The following PHEX variants were observed in gnomAD, a reference collection of about 807,000 sequenced individuals.
PHEX encodes the protein phosphate-regulating neutral endopeptidase PHEX.
PHEX carries 16 observed loss-of-function variants against 68.0 expected under a neutral mutation model. The observed-to-expected ratio is 0.24, with a 90% CI of 0.16 to 0.36. PHEX has a LOEUF of 0.36. Ranked by LOEUF, PHEX falls within the 10% of genes least tolerant of loss-of-function variation. The probability of loss-of-function intolerance (pLI) is 1.00; values close to 1 mark genes in which losing one functional copy is unlikely to be tolerated. For missense variants in PHEX, 480 were observed against 575.5 expected (o/e 0.83, Z 1.70); for synonymous variants, 208 against 205.1 (o/e 1.01, Z -0.12).
chrX:22,143,512 A>G (rs1313518018), intron 12 of PHEX, among the ~76,000 whole-genome samples: 2 of 110,022 alleles, frequency 1.8e-5, no homozygotes, highest in African/African-American at 3.5e-5. Context: ...TCCAGTTCCA[A>G]AACATTTTTG....
Position 22,248,148 on chromosome X carries a change from T to A in PHEX, c.*195T>A. 1 of 431,930 alleles carries A rather than the reference T, an allele frequency of 2.3e-6. No individual in the cohort carries two copies. The highest frequency in any genetic ancestry group is 4.1e-6 in the Non-Finnish European group (1 of 246,793). The allele number at this position is 431,930 out of a possible 1,213,427, so 35.6% of individuals were successfully genotyped here. Reference sequence around the variant, plus strand: ...GGGCTTATAAAGTGGAATATAAGAATGAACTAAGTATGTTTCTTTAGAAAA... The same window carrying A: ...GGGCTTATAAAGTGGAATATAAGAAAGAACTAAGTATGTTTCTTTAGAAAA... On this transcript the variant is annotated 3_prime_UTR_variant, in exon 22 of 22. Transcript: ENST00000379374.
chrX:22,178,910 C>T (rs189549142), intron 14 of PHEX, among the ~76,000 whole-genome samples: 1 of 111,739 alleles, frequency 8.9e-6, no homozygotes, highest in Non-Finnish European at 1.9e-5. Flanking sequence ...AGGAGAGTTT[C>T]CTTAGGAACT....
At position 22,151,215 on chromosome X, in the gene PHEX, A is replaced by T. The variant is rs186080533; in HGVS notation, c.1405-17097A>T. ...TTAAATGTTGCTGATAATATATTCT[A>T]ATAAGTAGATAATACAGAACCAAGT... On this transcript the variant is annotated intron_variant, in intron 12 of 21. Transcript: ENST00000379374. Among the ~76,000 whole-genome samples the T allele has an allele frequency of 1.1e-4, 12 of 111,982 alleles. No homozygotes were observed. In the East Asian group the frequency reaches 3.4e-3, roughly 32 times the overall value.
intron 9 of PHEX, among the ~76,000 whole-genome samples, chrX:22,100,898 G>A (rs1233152993): frequency 7.2e-5 from 8 of 111,633 alleles, no homozygotes; most frequent in Non-Finnish European, 1.1e-4. Context: ...TTGGCCAGGC[G>A]CGGTGGCTCA....
At chrX:22,190,569 G>C (rs960183396) in intron 15 of PHEX, 67 bp downstream of exon 15, 6 of 710,830 alleles carry the variant, frequency 8.4e-6, no homozygotes, top group African/African-American at 8.4e-5. Flanking sequence ...CCATGACTAT[G>C]ATGGAGGGTA....
intron 15 of PHEX, among the ~76,000 whole-genome samples, chrX:22,194,550 C>T (rs1049505454): frequency 1.8e-5 from 2 of 112,554 alleles, no homozygotes; most frequent in African/African-American, 6.5e-5. Flanking sequence ...TTGGGTTTTA[C>T]ATCTAAGATG....
chrX:22,091,237 C>T (rs969526116), intron 6 of PHEX, among the ~76,000 whole-genome samples: 6 of 111,833 alleles, frequency 5.4e-5, no homozygotes, highest in African/African-American at 1.9e-4. Flanking sequence ...AGCTTTCTTG[C>T]TGAGGACACT....
At chrX:22,224,866 G>C (rs1935393549) in intron 18 of PHEX, among the ~76,000 whole-genome samples, 1 of 19,320 alleles carries the variant, frequency 5.2e-5, no homozygotes, top group Non-Finnish European at 9.4e-5. Context: ...TCCATGGCTT[G>C]AAAGTTAAAA....
rs1569406189 is a variant in PHEX at position 22,133,589 on chromosome X, A to T, written c.1369A>T (p.Met457Leu). ...IDMLEKENEW[M>L]DAGTKRKAKE... The stretch of plus-strand genomic sequence containing the variant: ...CATGCTAGAGAAAGAAAATGAGTGG[A>T]TGGATGCAGGAACGAAAAGGAAAGC... Residue 457 changes from methionine to leucine, a missense_variant, in exon 12 of 22, where the codon ATG becomes TTG. By Grantham distance (15) the Met-to-Leu change is conservative. Transcript: ENST00000379374. The T allele has an allele frequency of 8.3e-7, 1 of 1,207,958 alleles. No homozygotes were observed. Among genetic ancestry groups the T allele is most frequent in the Admixed American group, 2.2e-5 (1 of 45,976 alleles).
intron 3 of PHEX, among the ~76,000 whole-genome samples, chrX:22,064,384 A>G (rs1000585249): frequency 4.5e-5 from 5 of 111,672 alleles, no homozygotes; most frequent in African/African-American, 1.6e-4. Context: ...TCGCATTTAT[A>G]AGTGAGAGCA....
rs188804801 is a variant in PHEX, at chrX:22,189,075, T to G, written c.1587-1369T>G. On this transcript the variant is annotated intron_variant, in intron 14 of 21. Transcript: ENST00000379374. ...GCTTATTTCACTTAACATAATGACC[T>G]CCAGTTCCATCCATGTGTTGCAAAT... 9.0e-3 allele frequency among the ~76,000 whole-genome samples: 1,011 copies of G among 112,838 alleles called. 6 individuals are homozygous for G. Among genetic ancestry groups the G allele is most frequent in the Non-Finnish European group, 0.014 (736 of 53,375 alleles).
At chrX:22,055,313 C>G (rs981248785) in intron 3 of PHEX, among the ~76,000 whole-genome samples, 5 of 107,876 alleles carry the variant, frequency 4.6e-5, no homozygotes, top group Non-Finnish European at 9.6e-5. Context: ...GATCATTACA[C>G]ATTGTATTCT....
chrX:22,206,092 C>T (rs1052186960), intron 15 of PHEX, among the ~76,000 whole-genome samples: 1 of 111,922 alleles, frequency 8.9e-6, no homozygotes, highest in Non-Finnish European at 1.9e-5. Context: ...GTGCTGATCT[C>T]AAAACTACAC....
At chrX:22,085,574 C>CAA (rs61594590) in intron 5 of PHEX, among the ~76,000 whole-genome samples, 20 of 52,797 alleles carry the variant, frequency 3.8e-4, no homozygotes, top group African/African-American at 1.3e-3. Context: ...GACTCCATCT[C>CAA]AAAAAAAAAA....
intron 12 of PHEX, among the ~76,000 whole-genome samples, chrX:22,141,229 G>A (rs1326754196): frequency 9.0e-6 from 1 of 111,490 alleles, no homozygotes; most frequent in Non-Finnish European, 1.9e-5. Context: ...TTCTGATGCA[G>A]CCCAAGTATG....
At chrX:22,244,837 A>G (rs1936344822) in intron 20 of PHEX, among the ~76,000 whole-genome samples, 1 of 111,745 alleles carries the variant, frequency 8.9e-6, no homozygotes, top group Non-Finnish European at 1.9e-5. Flanking sequence ...AACAAGCCAT[A>G]TCGCCATGCC....
chrX:22,199,118 A>T (rs1212817487), intron 15 of PHEX, among the ~76,000 whole-genome samples: 2 of 111,305 alleles, frequency 1.8e-5, no homozygotes, highest in African/African-American at 6.6e-5. Context: ...GGGAGCTACA[A>T]TTCAAGATGA....
intron 9 of PHEX, among the ~76,000 whole-genome samples, chrX:22,106,469 T>A (rs1490820686): frequency 8.9e-6 from 1 of 111,827 alleles, no homozygotes; most frequent in Non-Finnish European, 1.9e-5. Flanking sequence ...CCAGGAAATC[T>A]TAGCTAAATT....
intron 1 of PHEX, 134 bp from the exon 2 acceptor site, chrX:22,038,335 A>G (rs1350536552): frequency 5.3e-6 from 3 of 563,167 alleles, no homozygotes; most frequent in East Asian, 6.6e-5. Context: ...CATTGAACCA[A>G]CTGGGTTTTG....
Sources: allele counts gnomAD v4.1 joint callset (sites outside exome capture counted in the v4.1 genomes callset), GRCh38; gene constraint gnomAD v4.1.1; transcripts MANE v1.5; gene names NCBI Gene and HGNC (gene_info 2026-07-23, HGNC 2026-07-21).